The following LINGO2 variants were observed in gnomAD, a reference collection of about 807,000 sequenced individuals.
LINGO2 encodes the protein leucine-rich repeat and immunoglobulin-like domain-containing nogo receptor-interacting protein 2.
Under a neutral mutation model 30.6 loss-of-function variants are expected in LINGO2, and 14 were observed. That is an observed-to-expected ratio of 0.46 (90% CI 0.30 to 0.72). LINGO2 has a LOEUF of 0.72. LINGO2 is among the 30% of genes least tolerant of loss of function. The pLI, the probability that LINGO2 is intolerant of heterozygous loss-of-function variation, is 0.07. For missense variants in LINGO2, 729 were observed against 751.7 expected, an observed-to-expected ratio of 0.97 and a Z score of 0.35; for synonymous variants, 317 against 288.5, an observed-to-expected ratio of 1.10 and a Z score of -1.00.
intron 4 of LINGO2, among the ~76,000 whole-genome samples, chr9:28,103,444 G>C (rs895017651): frequency 6.6e-6 from 1 of 152,088 alleles, no homozygotes; most frequent in African/African-American, 2.4e-5. Context: ...AGCTTTGTCT[G>C]TTTCTATGTA....
intron 1 of LINGO2, among the ~76,000 whole-genome samples, chr9:28,529,125 G>T (rs2135422998): frequency 6.6e-6 from 1 of 152,114 alleles, no homozygotes; most frequent in African/African-American, 2.4e-5. Context: ...ACCCATCTGG[G>T]AACTACAGAG....
intron 4 of LINGO2, among the ~76,000 whole-genome samples, chr9:28,035,712 C>T (rs1210156286): frequency 6.6e-6 from 1 of 152,128 alleles, no homozygotes; most frequent in African/African-American, 2.4e-5. Flanking sequence ...TGAAATACAT[C>T]TTTTGAGCAT....
intron 4 of LINGO2, among the ~76,000 whole-genome samples, chr9:28,081,478 A>T (rs537872628): frequency 1.4e-3 from 208 of 152,304 alleles, no homozygotes; most frequent in Non-Finnish European, 2.7e-3. Flanking sequence ...GGTAATGTTC[A>T]TTTGGGCCCA....
At chr9:28,759,861 A>C in the LINGO2 span, among the ~76,000 whole-genome samples, 3 of 152,016 alleles carry the variant, frequency 2.0e-5, no homozygotes, top group African/African-American at 7.3e-5. Context: ...AAAATATAGA[A>C]GAAAAATTAG....
At chr9:28,664,749 G>A (rs989532652) in intron 1 of LINGO2, among the ~76,000 whole-genome samples, 1 of 151,722 alleles carries the variant, frequency 6.6e-6, no homozygotes, top group Non-Finnish European at 1.5e-5. Context: ...TAATTATACA[G>A]ATATTCCAGA....
chr9:28,395,473 A>G (rs1822001368), intron 2 of LINGO2, among the ~76,000 whole-genome samples: 1 of 152,144 alleles, frequency 6.6e-6, no homozygotes, highest in Admixed American at 6.6e-5. Flanking sequence ...ATATTTCAAA[A>G]CCATTTCAAC....
intron 4 of LINGO2, among the ~76,000 whole-genome samples, chr9:28,139,201 G>A (rs1200728235): frequency 6.6e-6 from 1 of 152,162 alleles, no homozygotes; most frequent in African/African-American, 2.4e-5. Flanking sequence ...CAGCATCTCA[G>A]TTATTACTAA....
chr9:28,553,274 T>G (rs1489456025), intron 1 of LINGO2, among the ~76,000 whole-genome samples: 1 of 151,968 alleles, frequency 6.6e-6, no homozygotes, highest in African/African-American at 2.4e-5. Flanking sequence ...AATGTGTAAC[T>G]AGAATAACCA....
the LINGO2 span, among the ~76,000 whole-genome samples, chr9:28,689,872 T>C: frequency 6.6e-6 from 1 of 152,164 alleles, no homozygotes; most frequent in African/African-American, 2.4e-5. Context: ...ATATATACCA[T>C]GAAATACTAT....
At chr9:28,942,389 G>A in the LINGO2 span, among the ~76,000 whole-genome samples, 2 of 152,046 alleles carry the variant, frequency 1.3e-5, no homozygotes, top group Admixed American at 6.6e-5. Context: ...GTGCCAGGTG[G>A]GTGTACCAAT....
At chr9:29,142,918 C>T in the LINGO2 span, among the ~76,000 whole-genome samples, 1 of 151,786 alleles carries the variant, frequency 6.6e-6, no homozygotes, top group Non-Finnish European at 1.5e-5. Context: ...CATACACACA[C>T]AAAACTGGTA....
intron 3 of LINGO2, among the ~76,000 whole-genome samples, chr9:28,313,936 A>ATT (rs373019723): frequency 0.03 from 4,416 of 147,636 alleles, 91 homozygotes; most frequent in Non-Finnish European, 0.047. Flanking sequence ...GTGAGAATTG[A>ATT]TTTTTTTTTT....
At chr9:28,274,596 A>C (rs1160331393) in intron 4 of LINGO2, among the ~76,000 whole-genome samples, 3 of 152,198 alleles carry the variant, frequency 2.0e-5, no homozygotes, top group Non-Finnish European at 4.4e-5. Context: ...AAATTCACAC[A>C]CAGTTTCAGT....
At chr9:28,495,958 G>C (rs746385342) in intron 1 of LINGO2, among the ~76,000 whole-genome samples, 3 of 152,110 alleles carry the variant, frequency 2.0e-5, no homozygotes, top group Non-Finnish European at 2.9e-5. Flanking sequence ...TTTCCATGTA[G>C]TTGAGTGGTT....
chr9:28,005,544 T>C (rs1381682389), intron 5 of LINGO2, among the ~76,000 whole-genome samples: 1 of 152,108 alleles, frequency 6.6e-6, no homozygotes, highest in Admixed American at 6.6e-5. Context: ...GTGTTCCAAA[T>C]TGATATACTT....
At position 28,148,378 on chromosome 9, in the gene LINGO2, C is replaced by T; in HGVS notation, c.-86-135973G>A. 12 of 1,144,592 alleles carry T rather than the reference C, an allele frequency of 1.0e-5. No homozygotes were observed. Among genetic ancestry groups the T allele is most frequent in the Non-Finnish European group, 1.5e-5 (12 of 790,086 alleles). The allele number at this position is 1,144,592 out of a possible 1,614,324, so 70.9% of individuals were successfully genotyped here. A position where few individuals can be genotyped will look rare whatever the true frequency, so the allele number is the denominator to read the frequency against. On this transcript the variant is annotated intron_variant, in intron 4 of 5. Transcript: ENST00000379992. The surrounding 1 kb of genome is among the most constrained non-coding windows in gnomAD (Gnocchi z 5.1). ...TTCCTCATCTCAGAGGCAAGTTTAA[C>T]CTTCAACTTCCTTCATTAGATGAGC...
rs150456627 is a variant in LINGO2 at position 28,624,762 on chromosome 9, G to T, written c.-365+45438C>A. Reference sequence around the variant, plus strand: ...TTTGAGTAGGATTGGTATTAGTCTAGAAATGTCATCTGGGAACTAGGGCCT... The same window carrying T: ...TTTGAGTAGGATTGGTATTAGTCTATAAATGTCATCTGGGAACTAGGGCCT... On this transcript the variant is annotated intron_variant, in intron 1 of 5. Coordinates refer to ENST00000379992, the Ensembl canonical transcript of LINGO2. Among the ~76,000 whole-genome samples, 323 of 151,502 alleles carry T rather than the reference G, an allele frequency of 2.1e-3. 3 individuals carry two copies. Among genetic ancestry groups the T allele is most frequent in the African/African-American group, 7.5e-3 (310 of 41,338 alleles).
At chr9:27,957,432 T>G (rs1472977924) in intron 5 of LINGO2, among the ~76,000 whole-genome samples, 1 of 152,140 alleles carries the variant, frequency 6.6e-6, no homozygotes, top group Non-Finnish European at 1.5e-5. Context: ...TAGCTGGGAT[T>G]ACAGGCATGT....
At chr9:28,348,595 C>A (rs999704469) in intron 3 of LINGO2, among the ~76,000 whole-genome samples, 81 of 152,318 alleles carry the variant, frequency 5.3e-4, no homozygotes, top group Non-Finnish European at 2.2e-4. Flanking sequence ...ATTGCCCAGG[C>A]TTGATTAGGT....
Sources: allele counts gnomAD v4.1 joint callset (sites outside exome capture counted in the v4.1 genomes callset), GRCh38; gene constraint gnomAD v4.1.1; non-coding constraint Gnocchi (gnomAD v3.1); transcripts MANE v1.5; gene names NCBI Gene and HGNC (gene_info 2026-07-23, HGNC 2026-07-21).